DAPK2: variants seen among roughly 807,000 people sequenced by gnomAD.
DAPK2 encodes the protein death-associated protein kinase 2.
A neutral mutation model predicts 44.1 loss-of-function variants in DAPK2; 35 were observed. That is an observed-to-expected ratio of 0.79 (90% CI 0.61 to 1.05). The LOEUF is 1.05. DAPK2 is among the 50% of genes least tolerant of loss of function. The pLI, the probability that DAPK2 is intolerant of heterozygous loss-of-function variation, is 0.00. For synonymous variants in DAPK2, 174 were observed against 182.6 expected, an observed-to-expected ratio of 0.95 and a Z score of 0.38; for missense variants, 453 against 483.2, an observed-to-expected ratio of 0.94 and a Z score of 0.59.
intron 1 of DAPK2, among the ~76,000 whole-genome samples, chr15:63,995,126 G>A (rs2078918442): frequency 1.3e-5 from 2 of 151,970 alleles, no homozygotes; most frequent in Admixed American, 6.6e-5. Context: ...TTAATATTAT[G>A]ATACTGTTAT....
chr15:64,006,946 A>T (rs1188466662), intron 1 of DAPK2, among the ~76,000 whole-genome samples: 1 of 152,036 alleles, frequency 6.6e-6, no homozygotes, highest in Non-Finnish European at 1.5e-5. Context: ...AAGTCACTGA[A>T]ATGCAGGGAG....
At chr15:63,941,544 C>A (rs2077308019) in intron 3 of DAPK2, among the ~76,000 whole-genome samples, 1 of 152,208 alleles carries the variant, frequency 6.6e-6, no homozygotes, top group African/African-American at 2.4e-5. Flanking sequence ...CCCAGGTCCC[C>A]CTGGCTGCCT....
chr15:64,028,524 C>T (rs984265045), intron 1 of DAPK2, among the ~76,000 whole-genome samples: 1 of 152,146 alleles, frequency 6.6e-6, no homozygotes, highest in Non-Finnish European at 1.5e-5. Context: ...CTATAAAGAA[C>T]ACTAATAAGA....
intron 1 of DAPK2, among the ~76,000 whole-genome samples, chr15:64,038,879 A>ATG (rs1202561575): frequency 3.3e-5 from 5 of 151,266 alleles, no homozygotes; most frequent in Non-Finnish European, 7.4e-5. Context: ...TTCTATTCAA[A>ATG]GTCACCCCTC....
At chr15:64,016,621 T>C (rs965126478) in intron 1 of DAPK2, among the ~76,000 whole-genome samples, 3 of 152,156 alleles carry the variant, frequency 2.0e-5, no homozygotes, top group African/African-American at 4.8e-5. Context: ...AGCAAGACCC[T>C]GTCTCTACAA....
chr15:63,956,357 T>C (rs1407473643), intron 3 of DAPK2, among the ~76,000 whole-genome samples: 1 of 151,826 alleles, frequency 6.6e-6, no homozygotes, highest in Non-Finnish European at 1.5e-5. Flanking sequence ...GCAAAAGCCC[T>C]CTTAATACTG....
chr15:63,922,807 G>A (rs1027240155), intron 8 of DAPK2: 1 of 1,535,860 alleles, frequency 6.5e-7, no homozygotes, highest in South Asian at 1.2e-5. Flanking sequence ...ATTCACTGGT[G>A]TCCTGGTAGA....
At chr15:64,036,301 G>GTATA (rs1368698625) in intron 1 of DAPK2, among the ~76,000 whole-genome samples, 42 of 43,248 alleles carry the variant, frequency 9.7e-4, no homozygotes, top group Middle Eastern at 0.017. Context: ...GTGTGTGTGT[G>GTATA]TGTGTGTGTA....
At position 63,915,943 on chromosome 15, in the gene DAPK2, C is replaced by T. The variant is rs1425203823; in HGVS notation, c.859-3746G>A. On this transcript the variant is annotated intron_variant, in intron 8 of 10. Transcript: ENST00000261891. ...GAATGTGGCACAAACACTTTTGATT[C>T]GACTTGGGGTGTGAGGGGGAGATGG... Among the ~76,000 whole-genome samples, 5 of 151,274 alleles carry T rather than the reference C, an allele frequency of 3.3e-5. No homozygotes were observed. The East Asian group carries it at 7.7e-4, about 23-fold the overall frequency.
In DAPK2 at chr15:63,930,509, T is replaced by C. The variant is rs1595732351; in HGVS notation, c.584-54A>G. The C allele has an allele frequency of 7.7e-6, 12 of 1,565,406 alleles. No homozygotes were observed. The East Asian group carries it at 1.8e-4, about 23-fold the overall frequency. ...ATGAGTGTGAAAATGAGAGGAGAGA[T>C]GGTTTTAGGGAATTTTAGGGAATTT... On this transcript the variant is annotated intron_variant, in intron 4 of 10. Coordinates refer to ENST00000261891, the Ensembl canonical transcript of DAPK2.
chr15:64,000,352 A>T (rs2079053703), intron 1 of DAPK2, among the ~76,000 whole-genome samples: 1 of 152,152 alleles, frequency 6.6e-6, no homozygotes, highest in Non-Finnish European at 1.5e-5. Context: ...TCCCTGAACA[A>T]ATACGTGCAC....
intron 1 of DAPK2, among the ~76,000 whole-genome samples, chr15:64,011,645 C>G (rs1174247620): frequency 1.3e-5 from 2 of 152,166 alleles, no homozygotes; most frequent in African/African-American, 4.8e-5. Context: ...CTGCTAGCCA[C>G]GTGTGGCTAC....
chr15:64,044,006 C>A (rs1025206847), upstream of DAPK2, among the ~76,000 whole-genome samples: 1 of 152,196 alleles, frequency 6.6e-6, no homozygotes, highest in Non-Finnish European at 1.5e-5. Flanking sequence ...CCTAACACCT[C>A]TCCTAAGGCG....
chr15:63,925,324 T>G (rs934710038), intron 7 of DAPK2, among the ~76,000 whole-genome samples: 1 of 152,184 alleles, frequency 6.6e-6, no homozygotes, highest in Non-Finnish European at 1.5e-5. Context: ...AACCCCACTC[T>G]GGCCCTCTCT....
intron 8 of DAPK2, chr15:63,920,953 T>C (rs1449373037): frequency 6.6e-6 from 1 of 152,384 alleles, no homozygotes; most frequent in African/African-American, 2.4e-5. Context: ...TCCGTTCCAG[T>C]GTCACTGCTT....
chr15:63,915,566 A>G (rs2078905563), intron 8 of DAPK2, among the ~76,000 whole-genome samples: 1 of 152,190 alleles, frequency 6.6e-6, no homozygotes, highest in South Asian at 2.1e-4. Context: ...CTGGAAGGTC[A>G]ACTTGCAGGT....
chr15:63,927,744 T>A (rs1290551112), intron 6 of DAPK2, among the ~76,000 whole-genome samples: 1 of 2,632 alleles, frequency 3.8e-4, no homozygotes, highest in East Asian at 0.023. Flanking sequence ...TGGGATTCCA[T>A]TTTTTTTTTT....
chr15:63,918,080 C>T (rs749468), intron 8 of DAPK2: 77,313 of 151,916 alleles, frequency 0.51, 20,509 homozygotes, highest in East Asian at 0.94. Flanking sequence ...AGGAATTTCA[C>T]GGACCAAGGA....
chr15:64,024,418 G>A (rs915741904), intron 1 of DAPK2, among the ~76,000 whole-genome samples: 3 of 152,198 alleles, frequency 2.0e-5, no homozygotes, highest in Non-Finnish European at 4.4e-5. Flanking sequence ...GCCTGGAATG[G>A]AATGCTTATT....
Sources: allele counts gnomAD v4.1 joint callset (sites outside exome capture counted in the v4.1 genomes callset), GRCh38; gene constraint gnomAD v4.1.1; transcripts MANE v1.5; gene names NCBI Gene and HGNC (gene_info 2026-07-23, HGNC 2026-07-21).